ANAPC16: variants seen among roughly 807,000 people sequenced by gnomAD.
The protein encoded by ANAPC16 is anaphase-promoting complex subunit 16.
ANAPC16 carries 6 observed loss-of-function variants against 13.1 expected under a neutral mutation model. The ratio of observed to expected loss-of-function variants is 0.46; its 90% CI spans 0.25 to 0.90. The LOEUF (loss-of-function observed/expected upper bound fraction) is 0.90. Ranked by LOEUF, ANAPC16 falls within the 40% of genes least tolerant of loss-of-function variation. The pLI is 0.18. For missense variants in ANAPC16, 113 were observed against 131.1 expected (o/e 0.86, Z 0.67); for synonymous variants, 55 against 51.3 (o/e 1.07, Z -0.31).
chr10:72,217,213 G>T (rs1457840048), intron 1 of ANAPC16: 3 of 372,624 alleles, frequency 8.1e-6, no homozygotes, highest in South Asian at 4.0e-5. Context: ...GGTGGCTCAC[G>T]TCTGTAATCC....
chr10:72,221,380 AATTAAT>A (rs1859925223), intron 1 of ANAPC16, among the ~76,000 whole-genome samples: 2 of 152,038 alleles, frequency 1.3e-5, no homozygotes, highest in South Asian at 4.1e-4. Context: ...CTTAAATTTT[AATTAAT>A]ATTAAATAAA....
intron 1 of ANAPC16, among the ~76,000 whole-genome samples, chr10:72,222,010 G>C (rs188138255): frequency 6.6e-6 from 1 of 151,136 alleles, no homozygotes; most frequent in Admixed American, 6.6e-5. Flanking sequence ...TTACAGGTGT[G>C]AGCCACCGCA....
chr10:72,222,436 C>G (rs904244013), intron 1 of ANAPC16, among the ~76,000 whole-genome samples: 1 of 121,396 alleles, frequency 8.2e-6, no homozygotes, highest in Non-Finnish European at 1.6e-5. Context: ...ACATACATAC[C>G]AGACTGAGCA....
Position 72,235,637 on chromosome 10 carries a change from T to C in ANAPC16, c.*2521T>C, listed in dbSNP as rs1379928362. On this transcript the variant is annotated 3_prime_UTR_variant, in exon 4 of 4. Transcript: ENST00000299381. ...CACCAAGGGAAAAATTAAAAATACC[T>C]AGACTGCAATAAACCTTTAAATTGG... is the stretch of plus-strand genomic sequence containing the variant. 2 of 152,332 alleles carry C rather than the reference T, an allele frequency of 1.3e-5. No individual in the cohort carries two copies. Among genetic ancestry groups the C allele is most frequent in the African/African-American group, 4.8e-5 (2 of 41,582 alleles). 9.4% of individuals were successfully genotyped at this position (152,332 alleles called of 1,614,324 possible). A position where few individuals can be genotyped will look rare whatever the true frequency, so the allele number is the denominator to read the frequency against.
chr10:72,223,784 T>A (rs1564792342), intron 1 of ANAPC16, 104 bp from the exon 2 acceptor site: 12 of 903,598 alleles, frequency 1.3e-5, no homozygotes, highest in Non-Finnish European at 3.2e-6. Context: ...AAAGGGGAGC[T>A]AACTCTTTAC....
intron 2 of ANAPC16, among the ~76,000 whole-genome samples, chr10:72,227,725 AG>A (rs1402492202): frequency 2.0e-5 from 3 of 152,022 alleles, no homozygotes; most frequent in African/African-American, 7.2e-5. Flanking sequence ...GACCAATAAT[AG>A]TTTAATAGAA....
chr10:72,218,145 C>CAAAAAAAAAAAAAAAA (rs142932037), intron 1 of ANAPC16, among the ~76,000 whole-genome samples: 1 of 34,880 alleles, frequency 2.9e-5, no homozygotes, highest in Non-Finnish European at 4.1e-5. Context: ...AACTCTGTCT[C>CAAAAAAAAAAAAAAAA]AAAAAAAAAA....
At chr10:72,217,284 C>G (rs528351157) in intron 1 of ANAPC16, 86 of 338,112 alleles carry the variant, frequency 2.5e-4, no homozygotes, top group African/African-American at 1.7e-3. Context: ...ACCATCCTGG[C>G]TAACACGGTG....
chr10:72,232,749 G>A (rs1301752217), intron 3 of ANAPC16, among the ~76,000 whole-genome samples: 1 of 151,558 alleles, frequency 6.6e-6, no homozygotes, highest in Non-Finnish European at 1.5e-5. Context: ...GACTACAGGC[G>A]CATGCCACCA....
chr10:72,218,840 T>C (rs1267523162), intron 1 of ANAPC16, among the ~76,000 whole-genome samples: 1 of 152,232 alleles, frequency 6.6e-6, no homozygotes, highest in East Asian at 1.9e-4. Flanking sequence ...AAAGTTAGCT[T>C]TATGCTAATT....
intron 3 of ANAPC16, among the ~76,000 whole-genome samples, chr10:72,230,892 CA>C (rs951756679): frequency 6.6e-6 from 1 of 151,928 alleles, no homozygotes. Flanking sequence ...GTCTGAAAAA[CA>C]AAAAAAGTTG....
At chr10:72,231,869 A>T (rs1188733197) in intron 3 of ANAPC16, among the ~76,000 whole-genome samples, 4 of 151,606 alleles carry the variant, frequency 2.6e-5, no homozygotes, top group Non-Finnish European at 4.4e-5. Context: ...TTCTTTTAAC[A>T]TTAGAAGAAA....
At chr10:72,220,570 G>A (rs1859881039) in intron 1 of ANAPC16, among the ~76,000 whole-genome samples, 1 of 151,962 alleles carries the variant, frequency 6.6e-6, no homozygotes, top group South Asian at 2.1e-4. Context: ...AGAGGTTGGA[G>A]GATTGCTTGA....
chr10:72,216,963 AATG>A (rs1342872857), intron 1 of ANAPC16: 1 of 456,070 alleles, frequency 2.2e-6, no homozygotes, highest in East Asian at 7.0e-5. Flanking sequence ...AAAAATCCAT[AATG>A]ATCCAATACT....
At chr10:72,227,081 G>T (rs553870360) in intron 2 of ANAPC16, among the ~76,000 whole-genome samples, 37 of 152,262 alleles carry the variant, frequency 2.4e-4, no homozygotes. Context: ...AATCAAAAAT[G>T]GGAGACACTT....
In ANAPC16 at chr10:72,234,229, A is replaced by C. The variant is rs1168682596; in HGVS notation, c.*1113A>C. 1 of 152,222 alleles carries C rather than the reference A, an allele frequency of 6.6e-6. No homozygotes were observed. Among genetic ancestry groups the C allele is most frequent in the Non-Finnish European group, 1.5e-5 (1 of 68,062 alleles). The allele number at this position is 152,222 out of a possible 1,614,324, so 9.4% of individuals were successfully genotyped here. ...CACCATGTTGACCAGGCTAGTCTCG[A>C]ACTTCTGACCTCAGGTGATCCACCT... On this transcript the variant is annotated 3_prime_UTR_variant, in exon 4 of 4. Transcript: ENST00000299381.
intron 1 of ANAPC16, among the ~76,000 whole-genome samples, chr10:72,222,415 A>G (rs1285896526): frequency 1.7e-5 from 2 of 119,810 alleles, no homozygotes; most frequent in Non-Finnish European, 4.1e-5. Context: ...AGACTCCGTA[A>G]ATAAATACAT....
rs181810221 is a variant in ANAPC16 at position 72,234,059 on chromosome 10, C to T, written c.*943C>T. The T allele has an allele frequency of 2.0e-5, 3 of 146,954 alleles. No individual in the cohort carries two copies. The highest frequency in any genetic ancestry group is 6.8e-5 in the Admixed American group (1 of 14,604). The allele number at this position is 146,954 out of a possible 1,614,324, so 9.1% of individuals were successfully genotyped here. ...TTTGCTCTTGTTGCCCAGGCTGTAT[C>T]GCAATGGCGCGATCTCTGCTCACTG... On this transcript the variant is annotated 3_prime_UTR_variant, in exon 4 of 4. Transcript: ENST00000299381.
At chr10:72,229,283 G>T (rs1322127630) in intron 2 of ANAPC16, among the ~76,000 whole-genome samples, 1 of 145,114 alleles carries the variant, frequency 6.9e-6, no homozygotes. Flanking sequence ...TGCCCTCTTG[G>T]TTATATATTC....
Sources: gnomAD v4.1 joint callset for allele counts (sites outside exome capture counted in the v4.1 genomes callset) on GRCh38, gnomAD v4.1.1 for gene constraint, MANE v1.5 for transcripts, NCBI Gene and HGNC (gene_info 2026-07-23, HGNC 2026-07-21) for gene names.